The following NRG1 variants were observed in gnomAD, a reference collection of about 807,000 sequenced individuals.
The protein encoded by NRG1 is pro-neuregulin-1, membrane-bound isoform.
Under a neutral mutation model 63.8 loss-of-function variants are expected in NRG1, and 18 were observed. The observed-to-expected ratio is 0.28, with a 90% confidence interval of 0.19 to 0.42. The LOEUF is 0.42. NRG1 is among the 10% of genes least tolerant of loss of function. NRG1 has a pLI of 1.00. For synonymous variants in NRG1, 302 were observed against 301.3 expected, an observed-to-expected ratio of 1.00 and a Z score of -0.02; for missense variants, 762 against 814.7, an observed-to-expected ratio of 0.94 and a Z score of 0.79.
At chr8:32,683,015 G>A (rs1290714103) in intron 5 of NRG1, among the ~76,000 whole-genome samples, 1 of 151,948 alleles carries the variant, frequency 6.6e-6, no homozygotes, top group Non-Finnish European at 1.5e-5. Flanking sequence ...ATTTAGAGAA[G>A]GCAATTTTAG....
At chr8:31,717,342 G>A (rs1428964993) in intron 1 of NRG1, among the ~76,000 whole-genome samples, 6 of 151,332 alleles carry the variant, frequency 4.0e-5, no homozygotes, top group Admixed American at 2.6e-4. Context: ...AGGAGGTGGT[G>A]GCTGCAGTGA....
rs150118223 is a variant in NRG1 at position 32,709,813 on chromosome 8, C to G, written c.503-18136C>G. On this transcript the variant is annotated intron_variant, in intron 5 of 11. Transcript: ENST00000356819. ...TTAAATGAGTGAAGATAAGGCTTGG[C>G]ATAGTCAATTGAATAAAATTTAGTA... is the stretch of plus-strand genomic sequence containing the variant. 1.3e-3 allele frequency among the ~76,000 whole-genome samples: 199 copies of G among 152,220 alleles called. 1 individual carries two copies. Among genetic ancestry groups the G allele is most frequent in the Non-Finnish European group, 2.2e-3 (151 of 68,008 alleles).
chr8:32,528,734 A>G (rs552739591), intron 1 of NRG1, among the ~76,000 whole-genome samples: 64 of 152,302 alleles, frequency 4.2e-4, no homozygotes, highest in African/African-American at 1.5e-3. Flanking sequence ...TAAACAACAT[A>G]TGGTTCTTCT....
At chr8:31,812,349 G>A (rs1350925630) in intron 1 of NRG1, among the ~76,000 whole-genome samples, 4 of 152,148 alleles carry the variant, frequency 2.6e-5, no homozygotes, top group African/African-American at 9.7e-5. Flanking sequence ...GGATGGGCCT[G>A]AGAATTTGCA....
At chr8:31,915,116 T>A (rs1466414540) in intron 1 of NRG1, among the ~76,000 whole-genome samples, 1 of 152,028 alleles carries the variant, frequency 6.6e-6, no homozygotes, top group African/African-American at 2.4e-5. Context: ...AAACTGACAG[T>A]ATTGGATATT....
chr8:32,008,558 A>C (rs1201518651), intron 1 of NRG1, among the ~76,000 whole-genome samples: 1 of 152,014 alleles, frequency 6.6e-6, no homozygotes, highest in Non-Finnish European at 1.5e-5. Context: ...TTTTATACTA[A>C]TATCTATGTG....
At chr8:31,976,662 GGTGTGT>G (rs55763806) in intron 1 of NRG1, among the ~76,000 whole-genome samples, 1 of 150,468 alleles carries the variant, frequency 6.6e-6, no homozygotes, top group East Asian at 2.0e-4. Flanking sequence ...ATCTGCCATG[GGTGTGT>G]GTGTGTGTGT....
rs1187236865 is a variant in NRG1 at position 32,436,995 on chromosome 8, G to A, written c.38-158833G>A. Among the ~76,000 whole-genome samples, 8 of 151,880 alleles carry A rather than the reference G, an allele frequency of 5.3e-5. No individual in the cohort carries two copies. The South Asian group carries it at 1.5e-3, about 28-fold the overall frequency. The stretch of plus-strand genomic sequence containing the variant: ...AACTCTCCCAATGTTTCCTGGCCAG[G>A]CAGGTCACCAAGATGTTTGGGACTG... On this transcript the variant is annotated intron_variant, in intron 1 of 10. Coordinates refer to the NRG1 transcript ENST00000519301.
chr8:31,720,267 A>G (rs552850934), intron 1 of NRG1, among the ~76,000 whole-genome samples: 1 of 152,300 alleles, frequency 6.6e-6, no homozygotes, highest in East Asian at 1.9e-4. Flanking sequence ...TTGCAGGTAC[A>G]TAATATACAT....
chr8:32,539,463 GTGGCTGGAGGCAGGTGAGAA>G (rs1832360415), intron 1 of NRG1, among the ~76,000 whole-genome samples: 1 of 152,222 alleles, frequency 6.6e-6, no homozygotes, highest in Non-Finnish European at 1.5e-5. Context: ...GGGGCACCAG[GTGGCTGGAGGCAGGTGAGAA>G]GAAAAGGAAG....
chr8:31,917,793 G>T (rs538759891), intron 1 of NRG1, among the ~76,000 whole-genome samples: 2 of 152,214 alleles, frequency 1.3e-5, no homozygotes, highest in African/African-American at 4.8e-5. Context: ...AAATTACCTT[G>T]GGCAGTATGG....
chr8:32,286,066 A>C (rs1176503391), intron 1 of NRG1, among the ~76,000 whole-genome samples: 3 of 152,188 alleles, frequency 2.0e-5, no homozygotes, highest in Admixed American at 2.0e-4. Context: ...TCAGCCCATC[A>C]GTAATTTTTA....
At chr8:32,447,045 G>A (rs1820344331) in intron 1 of NRG1, among the ~76,000 whole-genome samples, 1 of 101,484 alleles carries the variant, frequency 9.9e-6, no homozygotes, top group Admixed American at 9.6e-5. Flanking sequence ...ACAGAGTCTT[G>A]CACTATTGTG....
intron 1 of NRG1, among the ~76,000 whole-genome samples, chr8:31,863,209 C>A (rs1181575052): frequency 6.6e-6 from 1 of 152,152 alleles, no homozygotes; most frequent in African/African-American, 2.4e-5. Flanking sequence ...ACTGAACAAG[C>A]TATACAAGAC....
At chr8:32,287,785 G>A (rs1288677545) in intron 1 of NRG1, among the ~76,000 whole-genome samples, 2 of 152,162 alleles carry the variant, frequency 1.3e-5, no homozygotes, top group African/African-American at 2.4e-5. Context: ...TTTCAATGTC[G>A]AGAGTAACAC....
intron 1 of NRG1, among the ~76,000 whole-genome samples, chr8:32,286,747 C>T (rs1342030761): frequency 6.6e-6 from 1 of 152,162 alleles, no homozygotes; most frequent in East Asian, 1.9e-4. Flanking sequence ...GCCTGTAATC[C>T]TAACACTTAG....
chr8:32,542,426 T>C (rs866938454), intron 1 of NRG1, among the ~76,000 whole-genome samples: 3 of 152,184 alleles, frequency 2.0e-5, no homozygotes, highest in African/African-American at 7.2e-5. Flanking sequence ...CATATGAAAG[T>C]AATATTTATT....
chr8:31,657,862 A>G (rs1211246413), intron 1 of NRG1, among the ~76,000 whole-genome samples: 1 of 152,164 alleles, frequency 6.6e-6, no homozygotes, highest in Non-Finnish European at 1.5e-5. Flanking sequence ...AGGTCATCTG[A>G]TCTGCTGTGT....
chr8:31,723,396 A>C (rs1813113512), intron 1 of NRG1, among the ~76,000 whole-genome samples: 1 of 152,180 alleles, frequency 6.6e-6, no homozygotes, highest in African/African-American at 2.4e-5. Flanking sequence ...TTTCAAAAAC[A>C]AGAAACATTA....
Sources: gnomAD v4.1 joint callset for allele counts (sites outside exome capture counted in the v4.1 genomes callset) on GRCh38, gnomAD v4.1.1 for gene constraint, MANE v1.5 for transcripts, NCBI Gene and HGNC (gene_info 2026-07-23, HGNC 2026-07-21) for gene names.